Variants in GLUD1 observed in about 807,000 individuals in gnomAD.
The protein encoded by GLUD1 is glutamate dehydrogenase 1, mitochondrial.
In GLUD1, 22 loss-of-function variants were observed where a neutral mutation model predicts 56.0. The ratio of observed to expected loss-of-function variants is 0.39; its 90% CI spans 0.28 to 0.56. The LOEUF is 0.56. Among genes scored for constraint, GLUD1 ranks in the 20% least tolerant of loss-of-function variants. The pLI is 0.58. For synonymous variants in GLUD1, 223 were observed against 269.9 expected, an observed-to-expected ratio of 0.83 and a Z score of 1.70; for missense variants, 451 against 732.0, an observed-to-expected ratio of 0.62 and a Z score of 4.43.
At chr10:87,068,303 G>T in intron 4 of GLUD1, 146 bp from the exon 5 acceptor site, 1 of 655,006 alleles carries the variant, frequency 1.5e-6, no homozygotes. Context: ...CAAAGTCATA[G>T]AAATATTCAT....
chr10:87,080,932 GAGC>G (rs1338803866), intron 1 of GLUD1, among the ~76,000 whole-genome samples: 1 of 148,064 alleles, frequency 6.8e-6, no homozygotes, highest in Non-Finnish European at 1.5e-5. Context: ...GGGAAGTGAG[GAGC>G]CCCTCTGCCC....
chr10:87,052,756 A>G (rs1032303444), intron 12 of GLUD1, among the ~76,000 whole-genome samples: 13 of 151,302 alleles, frequency 8.6e-5, no homozygotes. Context: ...ATAATAAAGG[A>G]TGCCGAATTT....
intron 1 of GLUD1, among the ~76,000 whole-genome samples, chr10:87,088,180 T>TG (rs1470797224): frequency 2.0e-5 from 3 of 151,630 alleles, no homozygotes; most frequent in East Asian, 3.9e-4. Flanking sequence ...TGTTTTGTTT[T>TG]TTTTTTTGTC....
At chr10:87,065,630 T>C (rs529332243) in intron 5 of GLUD1, among the ~76,000 whole-genome samples, 1 of 152,260 alleles carries the variant, frequency 6.6e-6, no homozygotes, top group African/African-American at 2.4e-5. Context: ...AACTGTCCTT[T>C]TGGGAAGGGC....
At chr10:87,073,272 C>T (rs1474122827) in intron 4 of GLUD1, among the ~76,000 whole-genome samples, 1 of 152,140 alleles carries the variant, frequency 6.6e-6, no homozygotes, top group Non-Finnish European at 1.5e-5. Context: ...AAGGGATCCT[C>T]CCATCTTAGT....
At chr10:87,064,226 T>C (rs1846016528) in intron 5 of GLUD1, among the ~76,000 whole-genome samples, 1 of 152,116 alleles carries the variant, frequency 6.6e-6, no homozygotes, top group Non-Finnish European at 1.5e-5. Flanking sequence ...CCTCTTTCAA[T>C]TGAAGATGTG....
intron 1 of GLUD1, among the ~76,000 whole-genome samples, chr10:87,087,616 G>A (rs1841414543): frequency 6.6e-6 from 1 of 152,168 alleles, no homozygotes; most frequent in Admixed American, 6.5e-5. Context: ...CAGGCAAAGA[G>A]ACCAAATATA....
At position 87,094,206 on chromosome 10, in the gene GLUD1, C is replaced by T. The variant is rs367755219; in HGVS notation, c.445+119G>A. 1.8e-5 allele frequency: 25 copies of T among 1,408,140 alleles called. No homozygotes were observed. In the South Asian group the frequency reaches 2.6e-4, roughly 15 times the overall value. 87.2% of individuals were successfully genotyped at this position (1,408,140 alleles called of 1,614,324 possible). A position where few individuals can be genotyped will look rare whatever the true frequency, so the allele number is the denominator to read the frequency against. On this transcript the variant is annotated intron_variant, in intron 1 of 12. Coordinates refer to ENST00000277865, the MANE Select transcript of GLUD1 (RefSeq NM_005271.5). The surrounding 1 kb of genome is among the most constrained non-coding windows in gnomAD (Gnocchi z 6.6). Reference sequence around the variant, plus strand: ...CGAGGCGGGGTGACCCGGGCGGGGACCCGGCCCGCTCCAGCTGGGCTGGGC... The same window carrying T: ...CGAGGCGGGGTGACCCGGGCGGGGATCCGGCCCGCTCCAGCTGGGCTGGGC...
chr10:87,074,443 G>T, intron 4 of GLUD1, 108 bp downstream of exon 4: 1 of 734,978 alleles, frequency 1.4e-6, no homozygotes, highest in Non-Finnish European at 2.5e-6. Flanking sequence ...GGACGAGATC[G>T]CACCACTGCA....
chr10:87,069,727 T>C (rs1846178115), intron 4 of GLUD1, among the ~76,000 whole-genome samples: 1 of 152,196 alleles, frequency 6.6e-6, no homozygotes, highest in African/African-American at 2.4e-5. Context: ...ACAGGGCTAG[T>C]ATAAGATAAC....
At chr10:87,081,192 G>A (rs555199390) in intron 1 of GLUD1, among the ~76,000 whole-genome samples, 3 of 122,500 alleles carry the variant, frequency 2.4e-5, no homozygotes, top group East Asian at 2.1e-4. Context: ...CCAGGAGGGA[G>A]GTGGGGGGGT....
chr10:87,074,914 ATGG>A (rs1846344338), intron 3 of GLUD1, among the ~76,000 whole-genome samples: 1 of 152,216 alleles, frequency 6.6e-6, no homozygotes, highest in Admixed American at 6.5e-5. Context: ...TTCCATTTAA[ATGG>A]TGAATTTTAA....
intron 1 of GLUD1, among the ~76,000 whole-genome samples, chr10:87,081,025 T>G (rs1385826590): frequency 1.5e-5 from 1 of 68,324 alleles, no homozygotes; most frequent in Non-Finnish European, 3.0e-5. Context: ...AGGTGGGGGG[T>G]CAGCCCCCCG....
intron 1 of GLUD1, chr10:87,092,616 C>T: frequency 2.0e-6 from 2 of 981,716 alleles, no homozygotes; most frequent in Non-Finnish European, 2.4e-6. Context: ...AGTGAGTTTG[C>T]GGAGCTGCGA....
At chr10:87,087,865 G>A (rs1208433949) in intron 1 of GLUD1, among the ~76,000 whole-genome samples, 1 of 152,166 alleles carries the variant, frequency 6.6e-6, no homozygotes, top group Non-Finnish European at 1.5e-5. Flanking sequence ...CTGATCACAT[G>A]AGGTCGGGAG....
At chr10:87,068,966 A>G (rs2133813083) in intron 4 of GLUD1, among the ~76,000 whole-genome samples, 1 of 150,090 alleles carries the variant, frequency 6.7e-6, no homozygotes, top group East Asian at 1.9e-4. Context: ...TTGTATGCCA[A>G]TTAAATGAAA....
intron 4 of GLUD1, among the ~76,000 whole-genome samples, chr10:87,070,972 A>G (rs1266861216): frequency 6.6e-6 from 1 of 151,600 alleles, no homozygotes; most frequent in Non-Finnish European, 1.5e-5. Context: ...TACTAAAAAT[A>G]CAAAAAATTA....
At chr10:87,087,397 G>A (rs1316056141) in intron 1 of GLUD1, among the ~76,000 whole-genome samples, 1 of 152,164 alleles carries the variant, frequency 6.6e-6, no homozygotes, top group African/African-American at 2.4e-5. Flanking sequence ...ACTGATTGCT[G>A]ATTAAACTCA....
In GLUD1 at chr10:87,051,326, G is replaced by C. The variant is rs183269542; in HGVS notation, c.*425C>G. 4.1e-6 allele frequency: 1 copy of C among 244,324 alleles called. No homozygotes were observed. The highest frequency in any genetic ancestry group is 9.9e-5 in the East Asian group (1 of 10,142). The allele number at this position is 244,324 out of a possible 1,614,324, so 15.1% of individuals were successfully genotyped here. A position where few individuals can be genotyped will look rare whatever the true frequency, so the allele number is the denominator to read the frequency against. Reference sequence around the variant, plus strand: ...TCACTTGAGGACCATGCCACCTTCTGAAAAGGCCACACACCTACTTCTTAA... The same window carrying C: ...TCACTTGAGGACCATGCCACCTTCTCAAAAGGCCACACACCTACTTCTTAA... On this transcript the variant is annotated 3_prime_UTR_variant, in exon 13 of 13. Coordinates refer to ENST00000277865, the MANE Select transcript of GLUD1 (RefSeq NM_005271.5).
Sources: allele counts gnomAD v4.1 joint callset (sites outside exome capture counted in the v4.1 genomes callset), GRCh38; gene constraint gnomAD v4.1.1; non-coding constraint Gnocchi (gnomAD v3.1); transcripts MANE v1.5; gene names NCBI Gene and HGNC (gene_info 2026-07-23, HGNC 2026-07-21).